Variants in ACTR3C observed in about 807,000 individuals in gnomAD.
ACTR3C encodes actin-related protein 3C.
In ACTR3C, 18 loss-of-function variants were observed where a neutral mutation model predicts 26.3. The ratio of observed to expected loss-of-function variants is 0.68; its 90% CI spans 0.47 to 1.01. The LOEUF (loss-of-function observed/expected upper bound fraction) is 1.01. Among genes scored for constraint, ACTR3C ranks in the 50% least tolerant of loss-of-function variants. ACTR3C has a pLI of 0.00. For synonymous variants in ACTR3C, 55 were observed against 94.5 expected (o/e 0.58, Z 2.42); for missense variants, 184 against 250.7 (o/e 0.73, Z 1.80).
At chr7:150,289,149 C>T (rs1027374356) in intron 4 of ACTR3C, among the ~76,000 whole-genome samples, 24 of 152,198 alleles carry the variant, frequency 1.6e-4, no homozygotes, top group Middle Eastern at 3.4e-3. Flanking sequence ...ATGGAAGGAG[C>T]GCTCTGGTAG....
At chr7:149,899,693 AAGAGAAAGAAGGC>A in the ACTR3C span, among the ~76,000 whole-genome samples, 2 of 151,918 alleles carry the variant, frequency 1.3e-5, no homozygotes, top group African/African-American at 4.8e-5. Context: ...CCAGAAGGAA[AAGAGAAAGAAGGC>A]AGGACCAGAA....
At chr7:150,312,590 A>G (rs17837498) in intron 1 of ACTR3C, among the ~76,000 whole-genome samples, 41,876 of 152,024 alleles carry the variant, frequency 0.28, 5,934 homozygotes, top group East Asian at 0.43. Flanking sequence ...TCCAAACTCA[A>G]AAATATGCTA....
At chr7:150,090,211 C>A in the ACTR3C span, among the ~76,000 whole-genome samples, 1 of 152,160 alleles carries the variant, frequency 6.6e-6, no homozygotes, top group East Asian at 1.9e-4. Context: ...ATAAATAATT[C>A]TCGTTTAATT....
the ACTR3C span, among the ~76,000 whole-genome samples, chr7:150,129,021 T>C: frequency 2.0e-5 from 3 of 150,878 alleles, no homozygotes; most frequent in East Asian, 1.9e-4. Context: ...GAGCAGGGTG[T>C]TGGAGAGGAG....
At chr7:149,893,619 G>C in the ACTR3C span, among the ~76,000 whole-genome samples, 1 of 152,162 alleles carries the variant, frequency 6.6e-6, no homozygotes, top group Admixed American at 6.5e-5. Context: ...CTGGCTATCA[G>C]AATAGACATT....
intron 1 of ACTR3C, among the ~76,000 whole-genome samples, chr7:150,311,880 A>G (rs1441030751): frequency 1.3e-5 from 2 of 152,176 alleles, no homozygotes; most frequent in Non-Finnish European, 2.9e-5. Context: ...GCACATTAAC[A>G]TTTACACTGA....
chr7:150,284,551 T>C (rs2129612260), intron 6 of ACTR3C, among the ~76,000 whole-genome samples: 1 of 152,140 alleles, frequency 6.6e-6, no homozygotes, highest in South Asian at 2.1e-4. Context: ...GTCTCCAAAA[T>C]AAAATAAAAT....
chr7:150,050,272 A>G, the ACTR3C span, among the ~76,000 whole-genome samples: 3 of 152,248 alleles, frequency 2.0e-5, no homozygotes, highest in Admixed American at 1.3e-4. Context: ...ACTAAATGTC[A>G]TACTAATATA....
At chr7:149,932,378 T>C in the ACTR3C span, among the ~76,000 whole-genome samples, 1 of 152,170 alleles carries the variant, frequency 6.6e-6, no homozygotes, top group Non-Finnish European at 1.5e-5. Context: ...TTTTGGATGA[T>C]GAAAATATTC....
chr7:149,908,147 GAC>G, the ACTR3C span, among the ~76,000 whole-genome samples: 2 of 152,244 alleles, frequency 1.3e-5, no homozygotes, highest in African/African-American at 2.4e-5. Flanking sequence ...ACCATGGGAG[GAC>G]ACAGAGAGAA....
chr7:150,150,467 C>T, the ACTR3C span, among the ~76,000 whole-genome samples: 12 of 151,430 alleles, frequency 7.9e-5, no homozygotes, highest in Admixed American at 7.9e-4. Flanking sequence ...AATCTCATTT[C>T]TCTGTGTAGC....
At chr7:150,186,852 A>C in the ACTR3C span, among the ~76,000 whole-genome samples, 2 of 152,190 alleles carry the variant, frequency 1.3e-5, no homozygotes, top group African/African-American at 4.8e-5. Flanking sequence ...CACTGCTTTC[A>C]TAAAGTTGAT....
At chr7:149,889,510 G>A in the ACTR3C span, among the ~76,000 whole-genome samples, 1 of 152,186 alleles carries the variant, frequency 6.6e-6, no homozygotes, top group Admixed American at 6.5e-5. Context: ...AACTTGAGAG[G>A]CCAGTCAGTA....
chr7:150,103,237 T>C, the ACTR3C span, among the ~76,000 whole-genome samples: 1 of 151,946 alleles, frequency 6.6e-6, no homozygotes, highest in East Asian at 1.9e-4. Flanking sequence ...TGAATGAAAC[T>C]GACATAGAAA....
the ACTR3C span, among the ~76,000 whole-genome samples, chr7:150,155,030 G>T: frequency 6.6e-6 from 1 of 152,148 alleles, no homozygotes; most frequent in Non-Finnish European, 1.5e-5. Flanking sequence ...AATCGACCTG[G>T]CTGGAAATGC....
At chr7:149,919,574 T>G in the ACTR3C span, among the ~76,000 whole-genome samples, 2 of 152,058 alleles carry the variant, frequency 1.3e-5, no homozygotes, top group African/African-American at 2.4e-5. Context: ...TTTTCCAACC[T>G]TTTACTTTCT....
At chr7:150,200,241 A>G in the ACTR3C span, among the ~76,000 whole-genome samples, 1 of 152,172 alleles carries the variant, frequency 6.6e-6, no homozygotes, top group Non-Finnish European at 1.5e-5. Context: ...GAATTAACCT[A>G]TTAGATTCAT....
At chr7:150,320,532 G>A (rs896417824) in intron 1 of ACTR3C, among the ~76,000 whole-genome samples, 5 of 152,208 alleles carry the variant, frequency 3.3e-5, no homozygotes, top group African/African-American at 1.2e-4. Context: ...GGAGGCTGAG[G>A]TGGGTGGATC....
the ACTR3C span, among the ~76,000 whole-genome samples, chr7:149,896,034 CAAAAAAAAA>C: frequency 3.6e-5 from 3 of 83,086 alleles, no homozygotes; most frequent in Non-Finnish European, 6.8e-5. Context: ...CCTGTCTCTA[CAAAAAAAAA>C]AAAAAAAAAA....
Sources: allele counts gnomAD v4.1 joint callset (sites outside exome capture counted in the v4.1 genomes callset), GRCh38; gene constraint gnomAD v4.1.1; transcripts MANE v1.5; gene names NCBI Gene and HGNC (gene_info 2026-07-23, HGNC 2026-07-21).